IGDCC4: variants seen among roughly 807,000 people sequenced by gnomAD.
IGDCC4 encodes the protein immunoglobulin superfamily DCC subclass member 4.
In IGDCC4, 72 loss-of-function variants were observed where a neutral mutation model predicts 116.6. The observed-to-expected ratio is 0.62, with a 90% CI of 0.51 to 0.75. The LOEUF is 0.75. IGDCC4 is among the 30% of genes least tolerant of loss of function. IGDCC4 has a pLI of 0.00. For missense variants in IGDCC4, 1,501 were observed against 1,662.4 expected (o/e 0.90, Z 1.69); for synonymous variants, 709 against 719.9 (o/e 0.98, Z 0.24).
intron 5 of IGDCC4, among the ~76,000 whole-genome samples, chr15:65,398,480 G>A (rs1156628282): frequency 1.5e-5 from 2 of 131,856 alleles, no homozygotes; most frequent in Non-Finnish European, 3.0e-5. Flanking sequence ...GTTGCAGTAA[G>A]CCAAGATCAC....
intron 1 of IGDCC4, among the ~76,000 whole-genome samples, chr15:65,416,324 A>G (rs1381301803): frequency 6.6e-6 from 1 of 151,538 alleles, no homozygotes; most frequent in Admixed American, 6.6e-5. Flanking sequence ...TTTTTAGTAG[A>G]GACGGGGTTT....
At chr15:65,413,869 T>C (rs150960754) in intron 1 of IGDCC4, among the ~76,000 whole-genome samples, 166 of 152,326 alleles carry the variant, frequency 1.1e-3, no homozygotes, top group African/African-American at 3.8e-3. Context: ...AGTCTAGCCA[T>C]GTGGTTTTGG....
intron 3 of IGDCC4, among the ~76,000 whole-genome samples, chr15:65,406,259 T>C (rs1488477734): frequency 6.6e-6 from 1 of 152,368 alleles, no homozygotes; most frequent in East Asian, 1.9e-4. Context: ...TGAGATAATG[T>C]TCCCTTTTAA....
chr15:65,395,757 C>T lies in IGDCC4; in HGVS notation c.1404G>A (p.Lys468=), dbSNP rs112710889. The change falls in exon 7 of 20, where the codon AAG becomes AAA. Residue 468 remains lysine (K), a synonymous_variant. Transcript: ENST00000352385. ...QIIGFSLHYQ[K]ARGMDNVEYQ... ...CGCCCCAGGCCGACGTACCCCGTGC[C>T]TTCTGGTAGTGGAGAGAGAAGCCGA... 48 of 1,444,310 alleles carry T rather than the reference C, an allele frequency of 3.3e-5. 4 individuals are homozygous for T. In the African/African-American group the frequency reaches 3.8e-4, roughly 11 times the overall value. The allele number at this position is 1,444,310 out of a possible 1,614,324, so 89.5% of individuals were successfully genotyped here. A position where few individuals can be genotyped will look rare whatever the true frequency, so the allele number is the denominator to read the frequency against.
intron 17 of IGDCC4, 95 bp downstream of exon 17, chr15:65,386,456 C>T: frequency 3.7e-6 from 4 of 1,074,880 alleles, no homozygotes; most frequent in South Asian, 2.7e-5. Flanking sequence ...CTGGGAGTGC[C>T]AAGGGCAAGT....
At chr15:65,399,348 C>T (rs888158898) in intron 5 of IGDCC4, among the ~76,000 whole-genome samples, 5 of 150,494 alleles carry the variant, frequency 3.3e-5, no homozygotes, top group African/African-American at 1.2e-4. Flanking sequence ...GTAGTCCCAG[C>T]TACTCAGAAG....
chr15:65,384,711 A>C lies in IGDCC4; in HGVS notation c.3342+243T>G. The C allele has an allele frequency of 1.8e-6, 1 of 543,138 alleles. No individual in the cohort carries two copies. 33.6% of individuals were successfully genotyped at this position (543,138 alleles called of 1,614,324 possible). ...CCAGCCACACCCTCAGATCCACGGA[A>C]CTGCTGTGGCCCACTTAGGTCTGGG... is the stretch of plus-strand genomic sequence containing the variant. On this transcript the variant is annotated intron_variant, in intron 19 of 19. Coordinates refer to ENST00000352385, the MANE Select transcript of IGDCC4 (RefSeq NM_020962.3). This position sits in a 1 kb window ranked among gnomAD's most constrained non-coding sequence, Gnocchi z 4.9.
At chr15:65,405,652 A>G (rs146334598) in intron 3 of IGDCC4, among the ~76,000 whole-genome samples, 212 of 152,296 alleles carry the variant, frequency 1.4e-3, no homozygotes, top group African/African-American at 4.7e-3. Flanking sequence ...CAATGGTGTA[A>G]CCCATATACG....
chr15:65,400,662 C>A, intron 5 of IGDCC4, 144 bp downstream of exon 5: 1 of 1,010,134 alleles, frequency 9.9e-7, no homozygotes, highest in Non-Finnish European at 1.4e-6. Context: ...GACCACCACA[C>A]CCAGCCCTGG....
At chr15:65,388,758 G>C in intron 15 of IGDCC4, 50 bp downstream of exon 15, 1 of 1,611,086 alleles carries the variant, frequency 6.2e-7, no homozygotes, top group Non-Finnish European at 8.5e-7. Flanking sequence ...GCTGGAAGCG[G>C]GAGAGGCTGG....
chr15:65,390,035 G>T, intron 13 of IGDCC4, 120 bp downstream of exon 13: 3 of 877,766 alleles, frequency 3.4e-6, no homozygotes, highest in East Asian at 2.5e-5. Flanking sequence ...TAACAGGTGA[G>T]CCATGACATG....
chr15:65,419,999 T>C (rs2063175814), intron 1 of IGDCC4, among the ~76,000 whole-genome samples: 1 of 152,084 alleles, frequency 6.6e-6, no homozygotes, highest in Non-Finnish European at 1.5e-5. Context: ...CAGGCTGGAG[T>C]GCAGTGGCGT....
chr15:65,411,405 T>C, intron 1 of IGDCC4, 35 bp from the exon 2 acceptor site: 2 of 1,493,700 alleles, frequency 1.3e-6, no homozygotes, highest in Non-Finnish European at 1.8e-6. Flanking sequence ...CATCAGTGTA[T>C]GTCCCCCCAC....
intron 1 of IGDCC4, among the ~76,000 whole-genome samples, chr15:65,412,169 C>T (rs1402390281): frequency 6.6e-6 from 1 of 151,936 alleles, no homozygotes; most frequent in Non-Finnish European, 1.5e-5. Context: ...CAGTGAGCCA[C>T]GATCACGACA....
At chr15:65,398,834 G>A (rs1022292751) in intron 5 of IGDCC4, among the ~76,000 whole-genome samples, 15 of 151,570 alleles carry the variant, frequency 9.9e-5, no homozygotes, top group African/African-American at 3.2e-4. Context: ...AAGTTGCAGT[G>A]AGCAGAGATC....
chr15:65,398,926 C>G (rs984019154), intron 5 of IGDCC4, among the ~76,000 whole-genome samples: 4 of 152,058 alleles, frequency 2.6e-5, no homozygotes. Flanking sequence ...AAACAAACAA[C>G]CCATGCCCCT....
In IGDCC4 at chr15:65,388,548, C is replaced by A; in HGVS notation, c.2746G>T (p.Asp916Tyr). 1 of 1,614,122 alleles carries A rather than the reference C, an allele frequency of 6.2e-7. No homozygotes were observed. Among genetic ancestry groups the A allele is most frequent in the Non-Finnish European group, 8.5e-7 (1 of 1,180,026 alleles). Residue 916 changes from aspartate (D) to tyrosine (Y), a missense_variant, in exon 16 of 20, where the codon GAC becomes TAC. Asp to Tyr is a radical substitution (Grantham distance 160). Around this residue, in one of 3 missense-constraint regions of IGDCC4, gnomAD observed 235 missense variants for 328.0 expected, o/e 0.72. Transcript: ENST00000352385. ...FSAEVHGLES[D>Y]TRYFFKMGAR... is the part of the protein sequence containing the mutation. The stretch of plus-strand genomic sequence containing the variant: ...CCCATCTTGAAGAAGTACCGAGTGT[C>A]GCTCTCCAGGCCATGGACCTCAGCA...
intron 1 of IGDCC4, among the ~76,000 whole-genome samples, chr15:65,413,930 C>T (rs2063120752): frequency 1.3e-5 from 2 of 152,230 alleles, no homozygotes; most frequent in Admixed American, 1.3e-4. Context: ...TAGCAGGTGA[C>T]CTCTGAGATG....
At chr15:65,417,418 T>C (rs1020668574) in intron 1 of IGDCC4, among the ~76,000 whole-genome samples, 3 of 152,180 alleles carry the variant, frequency 2.0e-5, no homozygotes, top group Non-Finnish European at 4.4e-5. Flanking sequence ...CCTGAGACCC[T>C]CTACCCCTCC....
Sources: gnomAD v4.1 joint callset for allele counts (sites outside exome capture counted in the v4.1 genomes callset) on GRCh38, gnomAD v4.1.1 for gene constraint, gnomAD v4.1.1 regional missense constraint, Gnocchi (gnomAD v3.1) non-coding constraint, MANE v1.5 for transcripts, NCBI Gene and HGNC (gene_info 2026-07-23, HGNC 2026-07-21) for gene names.